The following DIAPH2 variants were observed in gnomAD, a reference collection of about 807,000 sequenced individuals.
DIAPH2 encodes protein diaphanous homolog 2.
Under a neutral mutation model 92.7 loss-of-function variants are expected in DIAPH2, and 35 were observed. The observed-to-expected ratio is 0.38, with a 90% CI of 0.29 to 0.50. The LOEUF (loss-of-function observed/expected upper bound fraction) is 0.50, where lower values mean the gene tolerates loss of function less well. Among genes scored for constraint, DIAPH2 ranks in the 20% least tolerant of loss-of-function variants. The pLI, the probability that DIAPH2 is intolerant of heterozygous loss-of-function variation, is 0.94. For synonymous variants in DIAPH2, 301 were observed against 280.4 expected (o/e 1.07, Z -0.73); for missense variants, 701 against 819.5 (o/e 0.86, Z 1.77).
chrX:96,950,606 C>T (rs749590479), intron 15 of DIAPH2, among the ~76,000 whole-genome samples: 2 of 111,723 alleles, frequency 1.8e-5, no homozygotes, highest in African/African-American at 6.5e-5. Context: ...TATGATGTCT[C>T]GCCTGGACTA....
intron 26 of DIAPH2, among the ~76,000 whole-genome samples, chrX:97,582,780 G>A (rs781373396): frequency 8.7e-4 from 97 of 111,130 alleles, no homozygotes; most frequent in Non-Finnish European, 1.5e-3. Flanking sequence ...TTTCCAACTT[G>A]GTTCCATTCT....
intron 15 of DIAPH2, among the ~76,000 whole-genome samples, chrX:96,955,320 A>G (rs760995060): frequency 8.9e-6 from 1 of 111,816 alleles, no homozygotes; most frequent in East Asian, 2.8e-4. Flanking sequence ...TTCATTATTC[A>G]TTATTCAATT....
chrX:96,989,588 G>A (rs1020093375), intron 17 of DIAPH2, among the ~76,000 whole-genome samples: 1 of 111,823 alleles, frequency 8.9e-6, no homozygotes, highest in African/African-American at 3.2e-5. Context: ...AAGTGTTGGA[G>A]AATTGCATTC....
rs1371458248 is a variant in DIAPH2, at chrX:97,314,089, C to T, written c.2845-34027C>T. 6.4e-5 allele frequency among the ~76,000 whole-genome samples: 7 copies of T among 109,804 alleles called. No homozygotes were observed. The South Asian group carries it at 1.6e-3, about 25-fold the overall frequency. On this transcript the variant is annotated intron_variant, in intron 23 of 26. Coordinates refer to ENST00000324765, the MANE Select transcript of DIAPH2 (RefSeq NM_006729.5). The stretch of plus-strand genomic sequence containing the variant: ...ATAAACGTGAAAGTAAAACATTTGA[C>T]GATGTATTTTCTTTAGGTGTATTAA...
At chrX:97,164,927 C>T (rs371157079) in intron 22 of DIAPH2, among the ~76,000 whole-genome samples, 1 of 112,473 alleles carries the variant, frequency 8.9e-6, no homozygotes, top group African/African-American at 3.2e-5. Flanking sequence ...AAAACTGCAA[C>T]AGAAGACCAA....
At chrX:97,113,848 C>A (rs1310899774) in intron 20 of DIAPH2, among the ~76,000 whole-genome samples, 2 of 111,832 alleles carry the variant, frequency 1.8e-5, no homozygotes, top group Non-Finnish European at 3.8e-5. Context: ...TTTATTTTCA[C>A]TGTGTGCATG....
At chrX:97,086,503 G>A (rs942155246) in intron 19 of DIAPH2, among the ~76,000 whole-genome samples, 2 of 111,529 alleles carry the variant, frequency 1.8e-5, no homozygotes, top group Non-Finnish European at 3.8e-5. Flanking sequence ...ACAGTGTATT[G>A]CAGCTTTGAA....
intron 25 of DIAPH2, among the ~76,000 whole-genome samples, chrX:97,394,028 T>C (rs2147742622): frequency 8.9e-6 from 1 of 112,157 alleles, no homozygotes; most frequent in South Asian, 3.7e-4. Context: ...ATTTTGTTTT[T>C]ATCTGTTTTC....
chrX:96,824,041 C>T (rs1349854884), intron 4 of DIAPH2, among the ~76,000 whole-genome samples: 1 of 110,094 alleles, frequency 9.1e-6, no homozygotes, highest in Non-Finnish European at 1.9e-5. Context: ...ACCTTTCCCT[C>T]CACACTCTGA....
At chrX:97,470,482 T>G (rs1293786703) in intron 26 of DIAPH2, among the ~76,000 whole-genome samples, 2 of 111,303 alleles carry the variant, frequency 1.8e-5, no homozygotes, top group Non-Finnish European at 3.8e-5. Flanking sequence ...CCTTCAGATA[T>G]GAATCATAGC....
intron 4 of DIAPH2, among the ~76,000 whole-genome samples, chrX:96,822,513 G>C (rs2064785195): frequency 8.9e-6 from 1 of 111,803 alleles, no homozygotes; most frequent in African/African-American, 3.2e-5. Context: ...AAAAATTAGA[G>C]ACATTTCAAA....
chrX:97,248,351 A>G (rs1361774982), intron 23 of DIAPH2, among the ~76,000 whole-genome samples: 2 of 111,646 alleles, frequency 1.8e-5, no homozygotes, highest in Admixed American at 9.6e-5. Context: ...AGTAGATTAT[A>G]TATTTAAATA....
At chrX:96,718,336 GTTTTTTTTTTTTTTTTTT>G (rs962776012) in intron 1 of DIAPH2, among the ~76,000 whole-genome samples, 103 of 10,986 alleles carry the variant, frequency 9.4e-3, no homozygotes, top group Admixed American at 0.023. Context: ...CATTTTCTTT[GTTTTTTTTTTTTTTTTTT>G]TTTTTTTTTT....
chrX:97,438,383 T>G (rs1293231382), intron 26 of DIAPH2, among the ~76,000 whole-genome samples: 1 of 93,030 alleles, frequency 1.1e-5, no homozygotes, highest in Non-Finnish European at 2.1e-5. Flanking sequence ...TTTTTTTTTT[T>G]GAGACAGGGT....
chrX:96,894,733 G>A (rs2147762937), intron 5 of DIAPH2, among the ~76,000 whole-genome samples: 1 of 110,568 alleles, frequency 9.0e-6, no homozygotes, highest in African/African-American at 3.3e-5. Flanking sequence ...GTTATTATGT[G>A]GGTTTATCAT....
chrX:97,314,756 A>G (rs943712510), intron 23 of DIAPH2, among the ~76,000 whole-genome samples: 11 of 112,131 alleles, frequency 9.8e-5, no homozygotes, highest in African/African-American at 3.6e-4. Flanking sequence ...AGAAATACTT[A>G]AATGAATCAC....
chrX:96,856,415 G>C (rs760445491), intron 4 of DIAPH2, among the ~76,000 whole-genome samples: 1 of 107,678 alleles, frequency 9.3e-6, no homozygotes, highest in African/African-American at 3.3e-5. Context: ...GAGTTAGCAG[G>C]AGATTTAAAA....
intron 1 of DIAPH2, among the ~76,000 whole-genome samples, chrX:96,716,814 T>TTTTGATA (rs1278745689): frequency 3.6e-5 from 4 of 111,858 alleles, no homozygotes; most frequent in African/African-American, 1.3e-4. Context: ...TTTTTCTATA[T>TTTTGATA]TTTGATATTT....
chrX:97,502,455 A>G (rs1280519446), intron 26 of DIAPH2, among the ~76,000 whole-genome samples: 1 of 112,287 alleles, frequency 8.9e-6, no homozygotes, highest in African/African-American at 3.2e-5. Context: ...TTTACAATTA[A>G]TCACCATTAA....
Sources: allele counts gnomAD v4.1 joint callset (sites outside exome capture counted in the v4.1 genomes callset), GRCh38; gene constraint gnomAD v4.1.1; transcripts MANE v1.5; gene names NCBI Gene and HGNC (gene_info 2026-07-23, HGNC 2026-07-21).